LRRC4C: variants seen among roughly 807,000 people sequenced by gnomAD.
LRRC4C encodes leucine-rich repeat-containing protein 4C.
In LRRC4C, 5 loss-of-function variants were observed where a neutral mutation model predicts 33.6. The ratio of observed to expected loss-of-function variants is 0.15; its 90% CI spans 0.08 to 0.31. The LOEUF is 0.31. LRRC4C is among the 10% of genes least tolerant of loss of function. LRRC4C has a pLI of 1.00. For missense variants in LRRC4C, 560 were observed against 796.7 expected, an observed-to-expected ratio of 0.70 and a Z score of 3.58; for synonymous variants, 329 against 302.0, an observed-to-expected ratio of 1.09 and a Z score of -0.93.
chr11:40,407,538 T>C (rs1358815624), intron 3 of LRRC4C, among the ~76,000 whole-genome samples: 1 of 152,134 alleles, frequency 6.6e-6, no homozygotes, highest in African/African-American at 2.4e-5. Flanking sequence ...CCTGATGAGA[T>C]TTCCTCATCT....
chr11:41,135,659 C>T (rs1943224257), intron 1 of LRRC4C, among the ~76,000 whole-genome samples: 1 of 151,904 alleles, frequency 6.6e-6, no homozygotes, highest in Non-Finnish European at 1.5e-5. Flanking sequence ...ATAAGATTAC[C>T]CAATAAACCC....
At chr11:40,659,021 G>T (rs1299817178) in intron 2 of LRRC4C, among the ~76,000 whole-genome samples, 1 of 152,194 alleles carries the variant, frequency 6.6e-6, no homozygotes, top group Non-Finnish European at 1.5e-5. Flanking sequence ...CCCTGGCACA[G>T]CTGCAGCCAC....
At chr11:40,442,768 T>C (rs1951454139) in intron 3 of LRRC4C, among the ~76,000 whole-genome samples, 1 of 152,224 alleles carries the variant, frequency 6.6e-6, no homozygotes, top group East Asian at 1.9e-4. Context: ...TCTGTTCCAC[T>C]GATAACTCAC....
chr11:40,127,636 T>A (rs1024212303), intron 6 of LRRC4C, among the ~76,000 whole-genome samples: 4 of 152,224 alleles, frequency 2.6e-5, no homozygotes, highest in African/African-American at 9.6e-5. Flanking sequence ...AAGACTTTGA[T>A]GAGAAAGTAA....
intron 2 of LRRC4C, among the ~76,000 whole-genome samples, chr11:40,902,427 A>G (rs1485276176): frequency 6.6e-6 from 1 of 152,138 alleles, no homozygotes; most frequent in Non-Finnish European, 1.5e-5. Flanking sequence ...AACAATATTG[A>G]AATTAGATCA....
At chr11:40,710,593 A>G (rs1454966245) in intron 2 of LRRC4C, among the ~76,000 whole-genome samples, 2 of 152,210 alleles carry the variant, frequency 1.3e-5, no homozygotes, top group Non-Finnish European at 2.9e-5. Context: ...GCTTAGTCTC[A>G]GAGGGGCACC....
intron 1 of LRRC4C, among the ~76,000 whole-genome samples, chr11:41,387,030 T>C (rs375190699): frequency 2.6e-5 from 4 of 151,916 alleles, no homozygotes; most frequent in African/African-American, 9.6e-5. Flanking sequence ...GTGTCCACCA[T>C]GTACTTTACA....
intron 1 of LRRC4C, among the ~76,000 whole-genome samples, chr11:40,987,540 T>C (rs997581014): frequency 5.3e-5 from 8 of 150,664 alleles, no homozygotes; most frequent in African/African-American, 2.0e-4. Flanking sequence ...GGTTTCCAAA[T>C]TGAATCTAGT....
At chr11:40,797,026 T>C (rs1184792646) in intron 2 of LRRC4C, among the ~76,000 whole-genome samples, 5 of 152,186 alleles carry the variant, frequency 3.3e-5, no homozygotes, top group Non-Finnish European at 2.9e-5. Context: ...AGATGAATCA[T>C]TGGAGTAGAC....
chr11:40,485,316 A>G (rs1280301348), intron 3 of LRRC4C, among the ~76,000 whole-genome samples: 2 of 151,936 alleles, frequency 1.3e-5, no homozygotes, highest in Non-Finnish European at 2.9e-5. Flanking sequence ...TTAGTCTGAA[A>G]ATTAGTAATA....
At chr11:41,297,725 C>A (rs1224139996) in intron 1 of LRRC4C, among the ~76,000 whole-genome samples, 1 of 151,912 alleles carries the variant, frequency 6.6e-6, no homozygotes, top group Non-Finnish European at 1.5e-5. Context: ...TTTTTGATAC[C>A]TAAACCATGG....
At chr11:40,396,920 A>G (rs542043207) in intron 3 of LRRC4C, among the ~76,000 whole-genome samples, 6 of 152,222 alleles carry the variant, frequency 3.9e-5, no homozygotes, top group Admixed American at 2.0e-4. Context: ...AACGTTCTCT[A>G]TAATACAAGT....
At chr11:40,936,424 G>C (rs1340989634) in intron 1 of LRRC4C, among the ~76,000 whole-genome samples, 1 of 139,694 alleles carries the variant, frequency 7.2e-6, no homozygotes, top group South Asian at 2.4e-4. Flanking sequence ...TGCAAGCTCC[G>C]CCTCCCAGGT....
intron 3 of LRRC4C, among the ~76,000 whole-genome samples, chr11:40,352,377 C>G (rs1433390505): frequency 6.6e-6 from 1 of 151,882 alleles, no homozygotes; most frequent in Non-Finnish European, 1.5e-5. Context: ...AAAGAGAAAA[C>G]TGATAAAATC....
intron 3 of LRRC4C, among the ~76,000 whole-genome samples, chr11:40,640,156 A>G (rs1552956): frequency 1 from 151,654 of 152,328 alleles, 75,496 homozygotes; most frequent in Middle Eastern, 1. Flanking sequence ...CAGGATGATG[A>G]CAATAAATAG....
intron 2 of LRRC4C, among the ~76,000 whole-genome samples, chr11:40,682,852 A>G (rs1232203789): frequency 6.6e-6 from 1 of 152,188 alleles, no homozygotes; most frequent in Admixed American, 6.5e-5. Context: ...TAGTCTGATA[A>G]TAGAGTGATC....
intron 1 of LRRC4C, among the ~76,000 whole-genome samples, chr11:40,968,290 A>G (rs1851493871): frequency 6.6e-6 from 1 of 152,156 alleles, no homozygotes; most frequent in African/African-American, 2.4e-5. Flanking sequence ...GGAAGCTAGC[A>G]GAGGTTGGTT....
At chr11:41,415,128 A>G (rs913289931) in intron 1 of LRRC4C, among the ~76,000 whole-genome samples, 4 of 152,190 alleles carry the variant, frequency 2.6e-5, no homozygotes, top group African/African-American at 9.6e-5. Flanking sequence ...GTAAACAACT[A>G]TAAGTAACTA....
intron 3 of LRRC4C, among the ~76,000 whole-genome samples, chr11:40,331,279 T>A (rs1198243848): frequency 6.6e-6 from 1 of 152,160 alleles, no homozygotes; most frequent in African/African-American, 2.4e-5. Context: ...CACTACTTGG[T>A]ATACATCCAA....
Sources: allele counts gnomAD v4.1 joint callset (sites outside exome capture counted in the v4.1 genomes callset), GRCh38; gene constraint gnomAD v4.1.1; transcripts MANE v1.5; gene names NCBI Gene and HGNC (gene_info 2026-07-23, HGNC 2026-07-21).